Variants in PCSK2 observed in about 807,000 individuals in gnomAD.
PCSK2 encodes the protein proprotein convertase subtilisin/kexin type 2.
In PCSK2, 14 loss-of-function variants were observed where a neutral mutation model predicts 69.7. The observed-to-expected ratio is 0.20, with a 90% confidence interval of 0.13 to 0.31. The LOEUF (loss-of-function observed/expected upper bound fraction) is 0.31. Among genes scored for constraint, PCSK2 ranks in the 10% least tolerant of loss-of-function variants. The pLI is 1.00. For synonymous variants in PCSK2, 307 were observed against 320.7 expected, an observed-to-expected ratio of 0.96 and a Z score of 0.46; for missense variants, 544 against 842.5, an observed-to-expected ratio of 0.65 and a Z score of 4.39.
intron 2 of PCSK2, among the ~76,000 whole-genome samples, chr20:17,353,209 T>A (rs2030055765): frequency 6.6e-6 from 1 of 151,590 alleles, no homozygotes; most frequent in South Asian, 2.1e-4. Context: ...ATGCCTGTAA[T>A]CCCAGCACTT....
chr20:17,353,537 G>A (rs185447085), intron 2 of PCSK2, among the ~76,000 whole-genome samples: 3 of 151,872 alleles, frequency 2.0e-5, no homozygotes, highest in East Asian at 1.9e-4. Flanking sequence ...CTTATACGCT[G>A]TTGATGAGAA....
intron 2 of PCSK2, among the ~76,000 whole-genome samples, chr20:17,339,533 C>T (rs1455491449): frequency 1.3e-5 from 2 of 152,026 alleles, no homozygotes; most frequent in Non-Finnish European, 2.9e-5. Context: ...TGCTTGAAGG[C>T]TTCTGGAATT....
At chr20:17,377,263 G>C (rs2030954525) in intron 5 of PCSK2, among the ~76,000 whole-genome samples, 1 of 152,196 alleles carries the variant, frequency 6.6e-6, no homozygotes. Flanking sequence ...TTCCAGGGTT[G>C]CTATTTCACC....
intron 6 of PCSK2, among the ~76,000 whole-genome samples, chr20:17,417,259 A>T (rs541664764): frequency 6.6e-6 from 1 of 152,216 alleles, no homozygotes; most frequent in African/African-American, 2.4e-5. Context: ...TCTCAAAATT[A>T]TAATTTTAAA....
At chr20:17,278,765 A>G (rs1433272590) in intron 2 of PCSK2, among the ~76,000 whole-genome samples, 1 of 152,070 alleles carries the variant, frequency 6.6e-6, no homozygotes, top group African/African-American at 2.4e-5. Context: ...CTGTAACCCC[A>G]ACACTTTGGG....
At chr20:17,276,490 T>C (rs1376269926) in intron 2 of PCSK2, among the ~76,000 whole-genome samples, 2 of 146,362 alleles carry the variant, frequency 1.4e-5, no homozygotes, top group Non-Finnish European at 3.1e-5. Context: ...ATACCATGTT[T>C]ATATTTTTTC....
chr20:17,252,574 G>C (rs1987022613), intron 1 of PCSK2, among the ~76,000 whole-genome samples: 1 of 152,190 alleles, frequency 6.6e-6, no homozygotes, highest in Non-Finnish European at 1.5e-5. Context: ...TAACTAACTT[G>C]CCAAAGGTCA....
At chr20:17,287,010 G>C (rs571410766) in intron 2 of PCSK2, among the ~76,000 whole-genome samples, 87 of 152,220 alleles carry the variant, frequency 5.7e-4, no homozygotes, top group Admixed American at 2.4e-3. Context: ...GCTGCAGCTC[G>C]AGTCCATGGC....
At chr20:17,433,351 C>T (rs2032406532) in intron 7 of PCSK2, among the ~76,000 whole-genome samples, 1 of 152,216 alleles carries the variant, frequency 6.6e-6, no homozygotes, top group African/African-American at 2.4e-5. Flanking sequence ...CAATGACTAA[C>T]ATGAGTTTTC....
chr20:17,435,769 A>G lies in PCSK2; in HGVS notation c.710-939A>G, dbSNP rs567726495. On this transcript the variant is annotated intron_variant, in intron 7 of 11. Transcript: ENST00000262545. ...GTGAACCCACTGACCCATCCAGATG[A>G]CAAAGCCTGGAGAGAGGCATGTGAC... Among the ~76,000 whole-genome samples the G allele has an allele frequency of 3.9e-5, 6 of 152,330 alleles. No homozygotes were observed. The East Asian group carries it at 7.7e-4, about 20-fold the overall frequency.
At chr20:17,258,981 C>A (rs1387884530) in intron 1 of PCSK2, among the ~76,000 whole-genome samples, 1 of 151,740 alleles carries the variant, frequency 6.6e-6, no homozygotes, top group Non-Finnish European at 1.5e-5. Context: ...TCTAAATTTA[C>A]TCTACATTTT....
chr20:17,454,078 T>C, intron 9 of PCSK2, 121 bp downstream of exon 9: 1 of 1,391,496 alleles, frequency 7.2e-7, no homozygotes, highest in Non-Finnish European at 9.7e-7. Context: ...GAACTAAGGC[T>C]CTGAAGGGAA....
At chr20:17,267,010 T>C (rs566535194) in intron 2 of PCSK2, among the ~76,000 whole-genome samples, 58 of 152,292 alleles carry the variant, frequency 3.8e-4, no homozygotes, top group Non-Finnish European at 3.1e-4. Context: ...AATTTGTCTG[T>C]AAATTCACAT....
chr20:17,299,559 G>A (rs1188797435), intron 2 of PCSK2, among the ~76,000 whole-genome samples: 1 of 151,590 alleles, frequency 6.6e-6, no homozygotes, highest in Non-Finnish European at 1.5e-5. Flanking sequence ...TGGGACTTTT[G>A]GTTAGAATTG....
At chr20:17,394,012 C>A (rs1468279617) in intron 5 of PCSK2, among the ~76,000 whole-genome samples, 2 of 152,238 alleles carry the variant, frequency 1.3e-5, no homozygotes, top group East Asian at 3.9e-4. Flanking sequence ...TTAATAATTT[C>A]GTTAGCTGGG....
chr20:17,370,137 G>A (rs541993211), intron 5 of PCSK2, among the ~76,000 whole-genome samples: 5 of 152,272 alleles, frequency 3.3e-5, no homozygotes, highest in South Asian at 2.1e-4. Flanking sequence ...GCATTGGTGC[G>A]TTCACTTAAA....
chr20:17,353,993 A>G (rs6136079), intron 2 of PCSK2, among the ~76,000 whole-genome samples: 11,750 of 152,212 alleles, frequency 0.077, 1,270 homozygotes, highest in East Asian at 0.48. Flanking sequence ...AATGGGGACT[A>G]CTAGAAAAGA....
intron 11 of PCSK2, among the ~76,000 whole-genome samples, chr20:17,469,024 T>C (rs1253449090): frequency 6.6e-6 from 1 of 152,248 alleles, no homozygotes; most frequent in Non-Finnish European, 1.5e-5. Context: ...CCAAGCCCTA[T>C]AATAATCTAA....
intron 2 of PCSK2, among the ~76,000 whole-genome samples, chr20:17,317,252 G>T (rs115123900): frequency 0.012 from 1,895 of 152,238 alleles, 41 homozygotes; most frequent in African/African-American, 0.044. Flanking sequence ...ATAAAGTGGT[G>T]GGCATGAGGG....
Sources: gnomAD v4.1 joint callset for allele counts (sites outside exome capture counted in the v4.1 genomes callset) on GRCh38, gnomAD v4.1.1 for gene constraint, MANE v1.5 for transcripts, NCBI Gene and HGNC (gene_info 2026-07-23, HGNC 2026-07-21) for gene names.